The following TENT4A variants were observed in gnomAD, a reference collection of about 807,000 sequenced individuals.
TENT4A encodes terminal nucleotidyltransferase 4A, also known as DNA polymerase kappa.
TENT4A carries 7 observed loss-of-function variants against 72.8 expected under a neutral mutation model. The ratio of observed to expected loss-of-function variants is 0.10; its 90% CI spans 0.05 to 0.18. TENT4A has a LOEUF of 0.18. Ranked by LOEUF, TENT4A falls within the 10% of genes least tolerant of loss-of-function variation. The pLI is 1.00. For missense variants in TENT4A, 831 were observed against 1,017.7 expected (o/e 0.82, Z 2.50); for synonymous variants, 456 against 434.3 (o/e 1.05, Z -0.62).
At chr5:6,754,654 G>A in intron 12 of TENT4A, 97 bp from the exon 13 acceptor site, 1 of 930,956 alleles carries the variant, frequency 1.1e-6, no homozygotes, top group East Asian at 2.8e-5. Context: ...TGCTCTCTAT[G>A]TAACATCACG....
chr5:6,740,419 T>G (rs1316225745), intron 4 of TENT4A, among the ~76,000 whole-genome samples: 26 of 152,190 alleles, frequency 1.7e-4, no homozygotes, highest in Non-Finnish European at 1.8e-4. Flanking sequence ...GACTATGAGG[T>G]ACTTGCCTGT....
Position 6,753,001 on chromosome 5 carries a change from C to T in TENT4A, c.2148C>T (p.Ser716=), listed in dbSNP as rs368970770. Residue 716 remains serine, a synonymous_variant, in exon 12 of 13, where the codon TCC becomes TCT. Coordinates refer to ENST00000230859, the MANE Select transcript of TENT4A (RefSeq NM_006999.6). ...HMSSPAIPSA[S]PNPLSSPHLY... is the part of the protein sequence containing the mutation. ...CTTCCCCGGCCATTCCCTCAGCGTC[C>T]CCCAACCCGCTCTCGAGCCCTCATC... The T allele has an allele frequency of 5.0e-6, 8 of 1,614,066 alleles. No homozygotes were observed. In the African/African-American group the frequency reaches 5.3e-5, roughly 11 times the overall value.
intron 1 of TENT4A, among the ~76,000 whole-genome samples, chr5:6,715,705 G>GT (rs1195129701): frequency 6.6e-6 from 1 of 152,178 alleles, no homozygotes; most frequent in Admixed American, 6.5e-5. Context: ...ACTTTTGCTT[G>GT]TAACTCTTTT....
At chr5:6,719,251 G>T (rs1401992465) in intron 1 of TENT4A, among the ~76,000 whole-genome samples, 1 of 152,148 alleles carries the variant, frequency 6.6e-6, no homozygotes, top group African/African-American at 2.4e-5. Flanking sequence ...ATTCATGTAA[G>T]CGTCCTGTGG....
In TENT4A at chr5:6,748,594, AT is replaced by A. The variant is rs780561997; in HGVS notation, c.1586+5del. 14 of 1,609,982 alleles carry A rather than the reference AT, an allele frequency of 8.7e-6. No homozygotes were observed. Among genetic ancestry groups the A allele is most frequent in the African/African-American group, 1.3e-5 (1 of 74,796 alleles). Reference sequence around the variant, plus strand: ...ATCCAAACAGAGACGCCGAAAGGTAATGGGTTGTGTGTCTGCGTCTGGGCTC... The same window carrying A: ...ATCCAAACAGAGACGCCGAAAGGTAAGGGTTGTGTGTCTGCGTCTGGGCTC... On this transcript the variant is annotated splice_donor_5th_base_variant and intron_variant, in intron 8 of 12. Transcript: ENST00000230859.
chr5:6,749,978 AT>A (rs1307853602), intron 9 of TENT4A, among the ~76,000 whole-genome samples: 1 of 152,206 alleles, frequency 6.6e-6, no homozygotes, highest in East Asian at 1.9e-4. Flanking sequence ...TAATTAAGAT[AT>A]TTTATAGCTG....
chr5:6,750,385 A>G lies in TENT4A; in HGVS notation c.1742A>G (p.Gln581Arg), dbSNP rs1448791358. The change falls in exon 10 of 13, where the codon CAG becomes CGG. Residue 581 changes from glutamine (Q) to arginine (R), a missense_variant. Gln to Arg is a conservative substitution (Grantham distance 43). Around this residue, in one of 3 missense-constraint regions of TENT4A, gnomAD observed 332 missense variants for 324.3 expected, o/e 1.02. Coordinates refer to ENST00000230859, the MANE Select transcript of TENT4A (RefSeq NM_006999.6). ...GCCACATGCAATGGGGAGCAGACGC[A>G]GAACCGAGAGCCCGAGTCTCCCTAT... ...RIATCNGEQT[Q>R]NREPESPYGQ... 1.5e-5 allele frequency: 25 copies of G among 1,612,924 alleles called. No homozygotes were observed. The highest frequency in any genetic ancestry group is 2.1e-5 in the Non-Finnish European group (25 of 1,179,520).
In TENT4A at chr5:6,756,136, A is replaced by C. The variant is rs1430475293; in HGVS notation, c.*1191A>C. ...TTAACGGATCGTGTCGCAGGAGAGC[A>C]CAGCCCAGCGTTGGGGCCGGGACCG... is the stretch of plus-strand genomic sequence containing the variant. On this transcript the variant is annotated 3_prime_UTR_variant, in exon 13 of 13. Transcript: ENST00000230859. 2 of 152,652 alleles carry C rather than the reference A, an allele frequency of 1.3e-5. No individual in the cohort carries two copies. Among genetic ancestry groups the C allele is most frequent in the African/African-American group, 4.8e-5 (2 of 41,456 alleles). 9.5% of individuals were successfully genotyped at this position (152,652 alleles called of 1,614,324 possible). A position where few individuals can be genotyped will look rare whatever the true frequency, so the allele number is the denominator to read the frequency against.
At chr5:6,718,641 G>A (rs1239212640) in intron 1 of TENT4A, among the ~76,000 whole-genome samples, 1 of 152,340 alleles carries the variant, frequency 6.6e-6, no homozygotes, top group African/African-American at 2.4e-5. Flanking sequence ...GTTGGAGGAG[G>A]AAGAGGAGTT....
chr5:6,718,825 T>C (rs572933042), intron 1 of TENT4A, among the ~76,000 whole-genome samples: 1 of 152,300 alleles, frequency 6.6e-6, no homozygotes, highest in South Asian at 2.1e-4. Context: ...ACCATATGTC[T>C]GGTCACTGAT....
chr5:6,727,218 C>T (rs1740976655), intron 1 of TENT4A, among the ~76,000 whole-genome samples: 1 of 152,190 alleles, frequency 6.6e-6, no homozygotes, highest in African/African-American at 2.4e-5. Flanking sequence ...GTTGCCCTCA[C>T]ACAGCTGGCA....
At chr5:6,746,108 C>T in intron 6 of TENT4A, 106 bp from the exon 7 acceptor site, 1 of 1,573,956 alleles carries the variant, frequency 6.4e-7, no homozygotes. Context: ...GTGCCACTCA[C>T]TGGTATTGCC....
intron 10 of TENT4A, chr5:6,750,768 T>G (rs1294978805): frequency 3.6e-6 from 2 of 548,680 alleles, no homozygotes; most frequent in African/African-American, 1.9e-5. Flanking sequence ...TGGACTTCCT[T>G]GAGTAGTTTT....
intron 12 of TENT4A, 76 bp downstream of exon 12, chr5:6,753,113 C>A (rs1307171429): frequency 7.3e-7 from 1 of 1,365,356 alleles, no homozygotes; most frequent in Non-Finnish European, 1.0e-6. Context: ...GTTTTCTCCT[C>A]CAGAGAGAAT....
chr5:6,751,325 G>A (rs1002648084), intron 11 of TENT4A, 128 bp downstream of exon 11: 3 of 944,346 alleles, frequency 3.2e-6, no homozygotes, highest in Non-Finnish European at 4.9e-6. Flanking sequence ...TTGGCCATTG[G>A]TGTGTTGTTC....
rs1422331723 is a variant in TENT4A, at chr5:6,755,580, T to C, written c.*635T>C. The C allele has an allele frequency of 2.0e-5, 3 of 152,628 alleles. No individual in the cohort carries two copies. Among genetic ancestry groups the C allele is most frequent in the African/African-American group, 4.8e-5 (2 of 41,462 alleles). The allele number at this position is 152,628 out of a possible 1,614,324, so 9.5% of individuals were successfully genotyped here. On this transcript the variant is annotated 3_prime_UTR_variant, in exon 13 of 13. Coordinates refer to ENST00000230859, the MANE Select transcript of TENT4A (RefSeq NM_006999.6). ...TAAGTTGGGTCATCGTGTCGGCTGGTTGTCTGACGAGCATCGTTACAAACA... is the reference window on the plus strand; with the variant it reads ...TAAGTTGGGTCATCGTGTCGGCTGGCTGTCTGACGAGCATCGTTACAAACA...
At chr5:6,743,627 T>G in intron 5 of TENT4A, 85 bp from the exon 6 acceptor site, 9 of 1,147,164 alleles carry the variant, frequency 7.8e-6, no homozygotes, top group Non-Finnish European at 1.1e-5. Context: ...GAAACTTTCC[T>G]TTCTGTCTTG....
intron 1 of TENT4A, among the ~76,000 whole-genome samples, chr5:6,737,209 A>G (rs964883346): frequency 1.3e-5 from 2 of 152,228 alleles, no homozygotes; most frequent in Middle Eastern, 3.2e-3. Flanking sequence ...CACTTCCTGG[A>G]TGGAATTCTC....
At chr5:6,751,268 G>A in intron 11 of TENT4A, 71 bp downstream of exon 11, 1 of 1,462,260 alleles carries the variant, frequency 6.8e-7, no homozygotes, top group Non-Finnish European at 9.6e-7. Context: ...ATATGCACTA[G>A]AGGAGATTGA....
Sources: gnomAD v4.1 joint callset for allele counts (sites outside exome capture counted in the v4.1 genomes callset) on GRCh38, gnomAD v4.1.1 for gene constraint, gnomAD v4.1.1 regional missense constraint, MANE v1.5 for transcripts, NCBI Gene and HGNC (gene_info 2026-07-23, HGNC 2026-07-21) for gene names.